Variants in HECW1 observed in about 807,000 individuals in gnomAD.
HECW1 encodes the protein HECT, C2 and WW domain containing E3 ubiquitin protein ligase 1, also known as E3 ubiquitin-protein ligase HECW1.
In HECW1, 61 loss-of-function variants were observed where a neutral mutation model predicts 182.3. The observed-to-expected ratio is 0.33, with a 90% CI of 0.27 to 0.41. HECW1 has a LOEUF of 0.41. Among genes scored for constraint, HECW1 ranks in the 10% least tolerant of loss-of-function variants. The pLI is 1.00. For missense variants in HECW1, 1,739 were observed against 2,108.9 expected, an observed-to-expected ratio of 0.82 and a Z score of 3.44; for synonymous variants, 859 against 832.6, an observed-to-expected ratio of 1.03 and a Z score of -0.55.
chr7:43,561,495 T>A (rs555194164), intron 29 of HECW1, among the ~76,000 whole-genome samples: 2 of 152,376 alleles, frequency 1.3e-5, no homozygotes, highest in East Asian at 3.9e-4. Context: ...GCCTCCTTCA[T>A]TGACCACATC....
At chr7:43,417,960 A>G (rs1237495854) in intron 8 of HECW1, among the ~76,000 whole-genome samples, 2 of 152,172 alleles carry the variant, frequency 1.3e-5, no homozygotes, top group Admixed American at 6.5e-5. Flanking sequence ...ATTGTTTCAT[A>G]GTTCTGGTGG....
At chr7:43,358,882 T>C (rs1460869446) in intron 5 of HECW1, among the ~76,000 whole-genome samples, 1 of 142,830 alleles carries the variant, frequency 7.0e-6, no homozygotes, top group Non-Finnish European at 1.5e-5. Context: ...TGGAGTGCAA[T>C]GGCGTGATCT....
At position 43,539,649 on chromosome 7, in the gene HECW1, T is replaced by A. The variant is rs543159162; in HGVS notation, c.4020-1514T>A. On this transcript the variant is annotated intron_variant, in intron 24 of 29. Transcript: ENST00000395891. The stretch of plus-strand genomic sequence containing the variant: ...ATTCCCAGCTCTCTTTACTGGACCC[T>A]CAGGGGCCACCTCTAAGTGCGGAAC... 2.8e-5 allele frequency among the ~76,000 whole-genome samples: 3 copies of A among 108,818 alleles called. No homozygotes were observed. In the South Asian group the frequency reaches 1.1e-3, roughly 41 times the overall value. 71.4% of individuals were successfully genotyped at this position (108,818 alleles called of 152,430 possible). A position where few individuals can be genotyped will look rare whatever the true frequency, so the allele number is the denominator to read the frequency against.
At chr7:43,459,572 C>G (rs942411318) in intron 13 of HECW1, among the ~76,000 whole-genome samples, 1 of 151,782 alleles carries the variant, frequency 6.6e-6, no homozygotes, top group African/African-American at 2.4e-5. Context: ...GAGTCTCACT[C>G]TGTCGCCCAG....
At chr7:43,405,779 A>G (rs920022959) in intron 7 of HECW1, among the ~76,000 whole-genome samples, 3 of 152,206 alleles carry the variant, frequency 2.0e-5, no homozygotes, top group Middle Eastern at 3.2e-3. Flanking sequence ...AGGTTTCTAG[A>G]CATTAGCCAA....
At chr7:43,278,494 C>A (rs1562774403) in intron 3 of HECW1, among the ~76,000 whole-genome samples, 1 of 152,178 alleles carries the variant, frequency 6.6e-6, no homozygotes, top group Admixed American at 6.5e-5. Flanking sequence ...TCATCACAGA[C>A]CCCAGCATGG....
chr7:43,565,095 T>C lies in HECW1; in HGVS notation c.*3169T>C, dbSNP rs569450139. 3 of 195,980 alleles carry C rather than the reference T, an allele frequency of 1.5e-5. No individual in the cohort carries two copies. Among genetic ancestry groups the C allele is most frequent in the South Asian group, 3.8e-4 (2 of 5,220 alleles). The allele number at this position is 195,980 out of a possible 1,614,324, so 12.1% of individuals were successfully genotyped here. A position where few individuals can be genotyped will look rare whatever the true frequency, so the allele number is the denominator to read the frequency against. On this transcript the variant is annotated 3_prime_UTR_variant, in exon 30 of 30. Coordinates refer to ENST00000395891, the MANE Select transcript of HECW1 (RefSeq NM_015052.5). ...TCTATAAAGTGTTATAATAATTTCATGGATATCACAAATGTTTTATTCTAC... is the reference window on the plus strand; with the variant it reads ...TCTATAAAGTGTTATAATAATTTCACGGATATCACAAATGTTTTATTCTAC...
Position 43,237,146 on chromosome 7 carries a change from T to A in HECW1, c.-31-6729T>A, listed in dbSNP as rs78175136. Among the ~76,000 whole-genome samples, 69 of 77,230 alleles carry A rather than the reference T, an allele frequency of 8.9e-4. No homozygotes were observed. The East Asian group carries it at 0.014, about 16-fold the overall frequency. The allele number at this position is 77,230 out of a possible 152,430, so 50.7% of individuals were successfully genotyped here. A position where few individuals can be genotyped will look rare whatever the true frequency, so the allele number is the denominator to read the frequency against. ...AGAAGGAAGGAAGGAAGGAAGTAGG[T>A]AGGTAGGTAGGTAGGTAGGTAGGTA... On this transcript the variant is annotated intron_variant, in intron 2 of 29. Transcript: ENST00000395891.
intron 26 of HECW1, among the ~76,000 whole-genome samples, chr7:43,548,606 G>T (rs753629201): frequency 6.6e-6 from 1 of 152,158 alleles, no homozygotes; most frequent in Non-Finnish European, 1.5e-5. Context: ...AGCCAAAAAT[G>T]ACCCTGTTGA....
intron 6 of HECW1, among the ~76,000 whole-genome samples, chr7:43,364,763 A>T (rs191913395): frequency 1.8e-3 from 275 of 152,308 alleles, no homozygotes; most frequent in African/African-American, 6.5e-3. Context: ...CCTGTTTTTC[A>T]TACTTTTTGT....
At chr7:43,483,793 C>T (rs954598382) in intron 17 of HECW1, among the ~76,000 whole-genome samples, 1 of 152,072 alleles carries the variant, frequency 6.6e-6, no homozygotes, top group Non-Finnish European at 1.5e-5. Context: ...AAGTGATCTG[C>T]CTGCCTCGGC....
At chr7:43,404,818 T>C (rs1377839319) in intron 7 of HECW1, among the ~76,000 whole-genome samples, 1 of 151,930 alleles carries the variant, frequency 6.6e-6, no homozygotes, top group Non-Finnish European at 1.5e-5. Context: ...CTACTAAAAA[T>C]ACAAAAAATT....
intron 2 of HECW1, among the ~76,000 whole-genome samples, chr7:43,159,912 C>G (rs944133465): frequency 9.2e-5 from 14 of 152,156 alleles, no homozygotes; most frequent in African/African-American, 3.1e-4. Flanking sequence ...ATGTCCTGAC[C>G]TCGTGATCTG....
At chr7:43,420,441 T>C (rs10264595) in intron 8 of HECW1, among the ~76,000 whole-genome samples, 24,860 of 152,156 alleles carry the variant, frequency 0.16, 2,357 homozygotes, top group Middle Eastern at 0.21. Context: ...TAGCCACTTC[T>C]GTTTAATATT....
chr7:43,381,483 G>C (rs1255122166), intron 6 of HECW1, among the ~76,000 whole-genome samples: 2 of 139,928 alleles, frequency 1.4e-5, no homozygotes, highest in African/African-American at 5.6e-5. Context: ...TACCATGCAT[G>C]GCTAATTTTT....
chr7:43,445,551 T>A lies in HECW1; in HGVS notation c.2379T>A (p.Gly793=). The A allele has an allele frequency of 6.3e-7, 1 of 1,594,916 alleles. No individual in the cohort carries two copies. ...AAGGTCTGGAATCCCCCGTGGCAGG[T>A]CCAAGCAATCGGAGAGAAGGTTAGA... ...SPEGLESPVA[G]PSNRREGECP... is the part of the protein sequence containing the mutation. The change falls in exon 11 of 30, where the codon GGT becomes GGA. Residue 793 remains glycine (G), a synonymous_variant. Coordinates refer to ENST00000395891, the MANE Select transcript of HECW1 (RefSeq NM_015052.5).
At chr7:43,274,194 G>A (rs1406931630) in intron 3 of HECW1, 1 of 516,642 alleles carries the variant, frequency 1.9e-6, no homozygotes, top group Non-Finnish European at 3.4e-6. Context: ...AGTACAAGGT[G>A]GTGGTCTCTC....
chr7:43,245,296 G>A (rs1799282956), intron 3 of HECW1: 1 of 152,150 alleles, frequency 6.6e-6, no homozygotes, highest in Non-Finnish European at 1.5e-5. Flanking sequence ...CCATCCCTTG[G>A]GGAAGGCGTT....
chr7:43,157,708 A>G (rs1012021121), intron 2 of HECW1, among the ~76,000 whole-genome samples: 1 of 152,116 alleles, frequency 6.6e-6, no homozygotes, highest in African/African-American at 2.4e-5. Flanking sequence ...CTATAGGCAC[A>G]TGCCACCAAA....
Sources: allele counts gnomAD v4.1 joint callset (sites outside exome capture counted in the v4.1 genomes callset), GRCh38; gene constraint gnomAD v4.1.1; transcripts MANE v1.5; gene names NCBI Gene and HGNC (gene_info 2026-07-23, HGNC 2026-07-21).